GAPVD1: variants seen among roughly 807,000 people sequenced by gnomAD.
The protein encoded by GAPVD1 is GTPase activating protein and VPS9 domains 1.
In GAPVD1, 35 loss-of-function variants were observed where a neutral mutation model predicts 155.5. That is an observed-to-expected ratio of 0.23 (90% confidence interval 0.17 to 0.30). The LOEUF is 0.30. GAPVD1 is among the 10% of genes least tolerant of loss of function. GAPVD1 has a pLI of 1.00. For missense variants in GAPVD1, 1,429 were observed against 1,775.7 expected (o/e 0.80, Z 3.51); for synonymous variants, 636 against 619.7 (o/e 1.03, Z -0.39).
intron 1 of GAPVD1, among the ~76,000 whole-genome samples, chr9:125,264,582 G>A (rs1335687293): frequency 6.6e-6 from 1 of 152,172 alleles, no homozygotes; most frequent in Non-Finnish European, 1.5e-5. Flanking sequence ...AGAAAGAAAA[G>A]TGAATATGTT....
At chr9:125,359,594 T>A (rs1850630902) in intron 26 of GAPVD1, 102 bp downstream of exon 26, 1 of 690,670 alleles carries the variant, frequency 1.4e-6, no homozygotes, top group South Asian at 1.7e-5. Context: ...TGTGATAAAA[T>A]ATAAAACATC....
chr9:125,332,457 G>T, intron 14 of GAPVD1, 53 bp from the exon 15 acceptor site: 2 of 1,414,046 alleles, frequency 1.4e-6, no homozygotes, highest in Non-Finnish European at 1.9e-6. Context: ...TATACTTTTT[G>T]TGTGGATATT....
intron 19 of GAPVD1, among the ~76,000 whole-genome samples, chr9:125,342,526 G>A (rs1016206213): frequency 5.9e-5 from 9 of 152,104 alleles, no homozygotes; most frequent in Non-Finnish European, 7.4e-5. Flanking sequence ...TCATAACTCC[G>A]TTTATGATGA....
Position 125,292,126 on chromosome 9 carries a change from A to T in GAPVD1, c.-149-3332A>T, listed in dbSNP as rs529571315. On this transcript the variant is annotated intron_variant, in intron 2 of 27. Coordinates refer to ENST00000297933, the MANE Select transcript of GAPVD1 (RefSeq NM_001282680.3). Reference sequence around the variant, plus strand: ...GCTGTAGTGTCATATAACTACAGCTACTCGGGAGGCGGAGGTGAGAGGATT... The same window carrying T: ...GCTGTAGTGTCATATAACTACAGCTTCTCGGGAGGCGGAGGTGAGAGGATT... Among the ~76,000 whole-genome samples, 28 of 152,126 alleles carry T rather than the reference A, an allele frequency of 1.8e-4. No homozygotes were observed. In the South Asian group the frequency reaches 5.2e-3, roughly 28 times the overall value.
At chr9:125,264,285 C>A (rs913852034) in intron 1 of GAPVD1, among the ~76,000 whole-genome samples, 1 of 151,900 alleles carries the variant, frequency 6.6e-6, no homozygotes, top group African/African-American at 2.4e-5. Flanking sequence ...ACCTCAGCTT[C>A]CTGGGTTCAA....
rs1195175949 is a variant in GAPVD1, at chr9:125,362,601, T to C, written c.4243-5T>C. ...TTGATTCTTTTTTATTTTTCACTTC[T>C]CTAGGCAAATCCACCCTGTTTGCTG... On this transcript the variant is annotated splice_polypyrimidine_tract_variant and splice_region_variant and intron_variant, in intron 27 of 27. Transcript: ENST00000297933. 1 of 1,592,306 alleles carries C rather than the reference T, an allele frequency of 6.3e-7. No homozygotes were observed. The highest frequency in any genetic ancestry group is 1.8e-5 in the Admixed American group (1 of 55,906).
chr9:125,314,054 C>T (rs117899875), intron 9 of GAPVD1, among the ~76,000 whole-genome samples: 3,245 of 152,220 alleles, frequency 0.021, 43 homozygotes, highest in Admixed American at 0.033. Context: ...AAGGAATTTT[C>T]CAGGCAGTAG....
chr9:125,332,690 T>TG, intron 15 of GAPVD1, 61 bp downstream of exon 15: 1 of 1,388,918 alleles, frequency 7.2e-7, no homozygotes, highest in Middle Eastern at 1.8e-4. Context: ...AAACTGGCAC[T>TG]GTGACACATT....
In GAPVD1 at chr9:125,263,033, ATAT is replaced by A. The variant is rs536932542; in HGVS notation, c.-199+1078_-199+1080del. ...TTAATGTGATAATAAGGCTGTACAT[ATAT>A]TATGACCATATTAGTTTGTTGTTTT... On this transcript the variant is annotated intron_variant, in intron 1 of 27. Transcript: ENST00000297933. Among the ~76,000 whole-genome samples the A allele has an allele frequency of 3.0e-4, 46 of 152,330 alleles. No homozygotes were observed. In the East Asian group the frequency reaches 8.9e-3, roughly 29 times the overall value.
chr9:125,341,319 A>C (rs1847823949), intron 18 of GAPVD1, 55 bp downstream of exon 18: 1 of 884,862 alleles, frequency 1.1e-6, no homozygotes, highest in African/African-American at 1.7e-5. Context: ...AAAGCCCCAG[A>C]ATCTCTTTCA....
At position 125,362,822 on chromosome 9, in the gene GAPVD1, T is replaced by C. The variant is rs1411447820; in HGVS notation, c.*76T>C. On this transcript the variant is annotated 3_prime_UTR_variant, in exon 28 of 28. Coordinates refer to ENST00000297933, the MANE Select transcript of GAPVD1 (RefSeq NM_001282680.3). ...CTCTGAGAAGGTGCATCAGCTGCTT[T>C]GAAGGCTGAAGATTGTTTTGTATGA... The C allele has an allele frequency of 9.1e-6, 12 of 1,324,910 alleles. No individual in the cohort carries two copies. The Middle Eastern group carries it at 1.4e-3, about 152-fold the overall frequency. The allele number at this position is 1,324,910 out of a possible 1,614,324, so 82.1% of individuals were successfully genotyped here. A position where few individuals can be genotyped will look rare whatever the true frequency, so the allele number is the denominator to read the frequency against.
At chr9:125,319,372 T>TA (rs1554771142) in intron 9 of GAPVD1, among the ~76,000 whole-genome samples, 1 of 149,738 alleles carries the variant, frequency 6.7e-6, no homozygotes, top group East Asian at 2.0e-4. Context: ...AGTTCCATCT[T>TA]AAAAAAATTT....
chr9:125,323,752 C>G (rs1443815643), intron 10 of GAPVD1, 46 bp from the exon 11 acceptor site: 1 of 1,604,702 alleles, frequency 6.2e-7, no homozygotes, highest in Non-Finnish European at 8.5e-7. Context: ...TGTGGTGGCT[C>G]ATGACTGTTT....
intron 2 of GAPVD1, among the ~76,000 whole-genome samples, chr9:125,270,203 C>T (rs1179832591): frequency 1.1e-4 from 16 of 151,302 alleles, no homozygotes; most frequent in East Asian, 4.0e-4. Flanking sequence ...CCGAGGTGGG[C>T]GAATCACTTG....
chr9:125,329,981 CAGG>C (rs1845851116), intron 12 of GAPVD1, 94 bp from the exon 13 acceptor site: 2 of 998,186 alleles, frequency 2.0e-6, no homozygotes, highest in South Asian at 1.7e-5. Context: ...CGCGCCCAGC[CAGG>C]AGATTTTGTT....
chr9:125,311,313 G>C (rs1040207607), intron 8 of GAPVD1, among the ~76,000 whole-genome samples: 1 of 152,026 alleles, frequency 6.6e-6, no homozygotes, highest in African/African-American at 2.4e-5. Flanking sequence ...TTTCAGGGGG[G>C]GAAGGTACAT....
At chr9:125,300,047 ATATATATATAT>A in intron 4 of GAPVD1, among the ~76,000 whole-genome samples, 1 of 27,112 alleles carries the variant, frequency 3.7e-5, no homozygotes, top group African/African-American at 1.6e-4. Context: ...AAATATATAT[ATATATATATAT>A]ATATATATAT....
At chr9:125,298,338 C>T (rs939186476) in intron 3 of GAPVD1, among the ~76,000 whole-genome samples, 4 of 152,084 alleles carry the variant, frequency 2.6e-5, no homozygotes, top group Non-Finnish European at 4.4e-5. Context: ...TGTCTCTAAG[C>T]GGTGGCCTTA....
At chr9:125,354,878 T>TTTA (rs1361779313) in intron 24 of GAPVD1, 37 bp downstream of exon 24, 1 of 1,373,708 alleles carries the variant, frequency 7.3e-7, no homozygotes, top group Non-Finnish European at 1.0e-6. Flanking sequence ...TCTCTTCACC[T>TTTA]GTAATACTGT....
Sources: allele counts gnomAD v4.1 joint callset (sites outside exome capture counted in the v4.1 genomes callset), GRCh38; gene constraint gnomAD v4.1.1; transcripts MANE v1.5; gene names NCBI Gene and HGNC (gene_info 2026-07-23, HGNC 2026-07-21).